Variants in ANKRD26 observed in about 807,000 individuals in gnomAD.
ANKRD26 encodes ankyrin repeat domain 26.
ANKRD26 carries 141 observed loss-of-function variants against 208.7 expected under a neutral mutation model. That is an observed-to-expected ratio of 0.68 (90% CI 0.59 to 0.78). The LOEUF (loss-of-function observed/expected upper bound fraction) is 0.78, where lower values mean the gene tolerates loss of function less well. Among genes scored for constraint, ANKRD26 ranks in the 30% least tolerant of loss-of-function variants. ANKRD26 has a pLI of 0.00. For synonymous variants in ANKRD26, 636 were observed against 660.4 expected, an observed-to-expected ratio of 0.96 and a Z score of 0.57; for missense variants, 1,889 against 1,938.7, an observed-to-expected ratio of 0.97 and a Z score of 0.48.
At position 27,033,260 on chromosome 10, in the gene ANKRD26, C is replaced by A. The variant is rs754020189; in HGVS notation, c.3772G>T (p.Asp1258Tyr). 41 of 1,611,918 alleles carry A rather than the reference C, an allele frequency of 2.5e-5. No individual in the cohort carries two copies. Among genetic ancestry groups the A allele is most frequent in the Non-Finnish European group, 3.0e-5 (35 of 1,178,646 alleles). ...YRINLEDETQ[D>Y]LKKKLGQIRN... ...ATTTGACCTAATTTCTTCTTTAAATCCTGTGTCTCATCTTCTAAATTAATA... is the reference window on the plus strand; with the variant it reads ...ATTTGACCTAATTTCTTCTTTAAATACTGTGTCTCATCTTCTAAATTAATA... Residue 1258 changes from aspartate (D) to tyrosine (Y), a missense_variant, in exon 25 of 34, where the codon GAT becomes TAT. Coordinates refer to ENST00000376087, the MANE Select transcript of ANKRD26 (RefSeq NM_014915.3).
chr10:27,058,738 G>T, intron 15 of ANKRD26, among the ~76,000 whole-genome samples: 1 of 151,776 alleles, frequency 6.6e-6, no homozygotes, highest in African/African-American at 2.4e-5. Flanking sequence ...ACCATGCCCA[G>T]CTAATTTTTG....
rs1424498660 is a variant in ANKRD26 at position 27,092,527 on chromosome 10, A to G, written c.532-15T>C. On this transcript the variant is annotated splice_polypyrimidine_tract_variant and intron_variant, in intron 3 of 33. Coordinates refer to ENST00000376087, the MANE Select transcript of ANKRD26 (RefSeq NM_014915.3). ...GTGAGGTCATCCTGTAAGACAGCAA[A>G]AACAAGTTAAAATGCATAAAATTAC... is the stretch of plus-strand genomic sequence containing the variant. 2 of 1,577,162 alleles carry G rather than the reference A, an allele frequency of 1.3e-6. No individual in the cohort carries two copies. The highest frequency in any genetic ancestry group is 1.7e-6 in the Non-Finnish European group (2 of 1,147,786).
At chr10:27,002,951 C>T (rs1378946123), downstream of ANKRD26, among the ~76,000 whole-genome samples, 3 of 152,126 alleles carry the variant, frequency 2.0e-5, no homozygotes, top group Non-Finnish European at 2.9e-5. Flanking sequence ...ATATGTAGAG[C>T]TCACATTTAT....
chr10:26,983,347 A>C (rs1427221966), intron 3 of ANKRD26, among the ~76,000 whole-genome samples: 2 of 152,206 alleles, frequency 1.3e-5, no homozygotes, highest in African/African-American at 4.8e-5. Context: ...GTGCCCAAGC[A>C]TAACCTAGGG....
intron 1 of ANKRD26, among the ~76,000 whole-genome samples, chr10:27,099,565 G>GC (rs1554799454): frequency 7.0e-6 from 1 of 143,202 alleles, no homozygotes; most frequent in Non-Finnish European, 1.5e-5. Flanking sequence ...TTAGAGTTGG[G>GC]GGGGGGGGTC....
At chr10:27,061,282 T>C in intron 12 of ANKRD26, 40 bp from the exon 13 acceptor site, 1 of 1,388,404 alleles carries the variant, frequency 7.2e-7, no homozygotes, top group Non-Finnish European at 1.0e-6. Flanking sequence ...TATTGTAATA[T>C]TTATCAAAAG....
chr10:26,949,882 A>G, the ANKRD26 span, among the ~76,000 whole-genome samples: 1 of 152,162 alleles, frequency 6.6e-6, no homozygotes, highest in Non-Finnish European at 1.5e-5. Flanking sequence ...GCTTCCTTTG[A>G]TATCTTTGAG....
At chr10:26,972,036 C>T (rs537967091), downstream of ANKRD26, among the ~76,000 whole-genome samples, 1 of 152,066 alleles carries the variant, frequency 6.6e-6, no homozygotes, top group South Asian at 2.1e-4. Context: ...GAGATCGAGA[C>T]CATCCTGGCT....
intron 1 of ANKRD26, among the ~76,000 whole-genome samples, chr10:27,098,649 C>T (rs1042700131): frequency 6.6e-6 from 1 of 150,764 alleles, no homozygotes; most frequent in Non-Finnish European, 1.5e-5. Context: ...CCCGGGTTCA[C>T]GCCATTCTCC....
At chr10:27,059,743 T>C (rs1564400091) in intron 15 of ANKRD26, among the ~76,000 whole-genome samples, 1 of 150,180 alleles carries the variant, frequency 6.7e-6, no homozygotes, top group African/African-American at 2.5e-5. Context: ...AAACCCTGTC[T>C]CTAAAAAAAT....
chr10:26,994,005 C>T (rs1397206455), intron 5 of ANKRD26, among the ~76,000 whole-genome samples: 2 of 152,180 alleles, frequency 1.3e-5, no homozygotes, highest in Non-Finnish European at 2.9e-5. Flanking sequence ...TCAGACAAGG[C>T]TGGTGCCTGG....
chr10:27,080,600 T>TTCC, intron 6 of ANKRD26: 5 of 977,544 alleles, frequency 5.1e-6, no homozygotes, highest in Non-Finnish European at 6.1e-6. Context: ...GTACCTATAT[T>TTCC]TCCCTAAGTA....
intron 1 of ANKRD26, among the ~76,000 whole-genome samples, chr10:27,099,505 C>T (rs544092241): frequency 1.3e-5 from 2 of 151,550 alleles, no homozygotes; most frequent in East Asian, 3.9e-4. Context: ...GCCTAGAACT[C>T]CTGGGCTCAA....
intron 9 of ANKRD26, among the ~76,000 whole-genome samples, chr10:27,069,141 A>G (rs112706621): frequency 0.012 from 1,675 of 141,628 alleles, 36 homozygotes; most frequent in African/African-American, 0.044. Flanking sequence ...CTTGCGGTGA[A>G]CAGAGGTGAC....
At chr10:27,064,751 T>G (rs2135475877) in intron 11 of ANKRD26, among the ~76,000 whole-genome samples, 1 of 152,232 alleles carries the variant, frequency 6.6e-6, no homozygotes, top group Non-Finnish European at 1.5e-5. Context: ...AAGAAAAATT[T>G]TGCTTTATGT....
chr10:27,091,233 G>A (rs781383445), intron 4 of ANKRD26, among the ~76,000 whole-genome samples: 48 of 152,272 alleles, frequency 3.2e-4, no homozygotes, highest in Non-Finnish European at 6.2e-4. Flanking sequence ...GATATATTTA[G>A]TATCCCCCTT....
chr10:26,998,282 C>A (rs1449601511), intron 4 of ANKRD26, among the ~76,000 whole-genome samples: 1 of 152,164 alleles, frequency 6.6e-6, no homozygotes, highest in African/African-American at 2.4e-5. Context: ...TAATCTGATT[C>A]TTTTGGGTTC....
intron 32 of ANKRD26, among the ~76,000 whole-genome samples, chr10:27,010,144 C>T (rs2053043763): frequency 6.6e-6 from 1 of 152,102 alleles, no homozygotes; most frequent in African/African-American, 2.4e-5. Context: ...AAGTTCTATT[C>T]TTTCAAAAAA....
Position 27,035,013 on chromosome 10 carries a change from A to G in ANKRD26, c.3437T>C (p.Leu1146Pro), listed in dbSNP as rs2053996700. 6.2e-7 allele frequency: 1 copy of G among 1,614,018 alleles called. No homozygotes were observed. Among genetic ancestry groups the G allele is most frequent in the Non-Finnish European group, 8.5e-7 (1 of 1,179,926 alleles). The change falls in exon 24 of 34, where the codon CTT becomes CCT. Residue 1146 changes from leucine to proline, a missense_variant. Leu to Pro is a moderately conservative substitution (Grantham distance 98). Around this residue, in one of 3 missense-constraint regions of ANKRD26, gnomAD observed 613 missense variants for 648.2 expected, o/e 0.95. Transcript: ENST00000376087. ...GTGGGCATCATCCAGTTGTTGTCGAAGCAACATATTCTCACTTTGTAGTTG... is the reference window on the plus strand; with the variant it reads ...GTGGGCATCATCCAGTTGTTGTCGAGGCAACATATTCTCACTTTGTAGTTG... ...LSQLQSENML[L>P]RQQLDDAHNK...
Sources: allele counts gnomAD v4.1 joint callset (sites outside exome capture counted in the v4.1 genomes callset), GRCh38; gene constraint gnomAD v4.1.1; regional missense constraint gnomAD v4.1.1; transcripts MANE v1.5; gene names NCBI Gene and HGNC (gene_info 2026-07-23, HGNC 2026-07-21).